TIAM1: variants seen among roughly 807,000 people sequenced by gnomAD.
The protein encoded by TIAM1 is TIAM Rac1 associated GEF 1, also known as rho guanine nucleotide exchange factor TIAM1.
A neutral mutation model predicts 163.5 loss-of-function variants in TIAM1; 65 were observed. The observed-to-expected ratio is 0.40, with a 90% CI of 0.33 to 0.49. The LOEUF is 0.49. Among genes scored for constraint, TIAM1 ranks in the 20% least tolerant of loss-of-function variants. The pLI, the probability that TIAM1 is intolerant of heterozygous loss-of-function variation, is 0.77. For synonymous variants in TIAM1, 833 were observed against 810.1 expected, an observed-to-expected ratio of 1.03 and a Z score of -0.48; for missense variants, 1,789 against 2,044.7, an observed-to-expected ratio of 0.87 and a Z score of 2.41.
chr21:31,381,248 G>A (rs1014716452), intron 2 of TIAM1, among the ~76,000 whole-genome samples: 2 of 152,188 alleles, frequency 1.3e-5, no homozygotes, highest in African/African-American at 2.4e-5. Flanking sequence ...GTATTTGGAG[G>A]TGGGGCCTTT....
intron 8 of TIAM1, 44 bp downstream of exon 8, chr21:31,223,362 C>A: frequency 1.3e-6 from 2 of 1,557,704 alleles, no homozygotes; most frequent in Non-Finnish European, 1.7e-6. Flanking sequence ...CAGGATTAAG[C>A]GTCAAGCTTA....
intron 3 of TIAM1, among the ~76,000 whole-genome samples, chr21:31,269,110 A>G (rs898443182): frequency 6.6e-6 from 1 of 152,218 alleles, no homozygotes; most frequent in Non-Finnish European, 1.5e-5. Flanking sequence ...ATAAATTGAC[A>G]CATATATTTT....
At chr21:31,463,378 G>C (rs547275122) in intron 2 of TIAM1, among the ~76,000 whole-genome samples, 38 of 152,214 alleles carry the variant, frequency 2.5e-4, no homozygotes, top group Non-Finnish European at 4.1e-4. Context: ...AACCCTCAAA[G>C]GGTTCCAGAA....
intron 2 of TIAM1, among the ~76,000 whole-genome samples, chr21:31,380,089 C>A (rs1422861770): frequency 6.6e-6 from 1 of 152,014 alleles, no homozygotes; most frequent in Admixed American, 6.6e-5. Context: ...ATGGTGAAAC[C>A]CTGTCTCTAC....
intron 1 of TIAM1, among the ~76,000 whole-genome samples, chr21:31,556,420 ATGTT>A (rs35751298): frequency 1.3e-5 from 2 of 151,952 alleles, no homozygotes; most frequent in East Asian, 1.9e-4. Flanking sequence ...AGTCGAGTTT[ATGTT>A]TGTTTGTTTG....
chr21:31,182,275 GC>G, intron 15 of TIAM1, 145 bp downstream of exon 15: 9 of 594,122 alleles, frequency 1.5e-5, no homozygotes, highest in Non-Finnish European at 2.4e-5. Flanking sequence ...GAAATGCAGG[GC>G]CAGTCATCAG....
At chr21:31,176,090 G>A (rs547647648) in intron 15 of TIAM1, among the ~76,000 whole-genome samples, 2 of 152,272 alleles carry the variant, frequency 1.3e-5, no homozygotes, top group South Asian at 2.1e-4. Flanking sequence ...TGTTTGATGG[G>A]CACAACTTGG....
At chr21:31,470,340 T>TAA (rs2045696870) in intron 1 of TIAM1, among the ~76,000 whole-genome samples, 1 of 149,724 alleles carries the variant, frequency 6.7e-6, no homozygotes, top group Non-Finnish European at 1.5e-5. Flanking sequence ...TTTACTTATT[T>TAA]ATATTTCCTT....
intron 2 of TIAM1, among the ~76,000 whole-genome samples, chr21:31,450,802 A>G (rs1022448077): frequency 2.6e-5 from 4 of 152,144 alleles, no homozygotes; most frequent in Non-Finnish European, 4.4e-5. Context: ...TTTTAAAACC[A>G]TCAGATCTCA....
intron 2 of TIAM1, among the ~76,000 whole-genome samples, chr21:31,427,389 A>C (rs1222705729): frequency 6.6e-6 from 1 of 152,094 alleles, no homozygotes; most frequent in African/African-American, 2.4e-5. Context: ...CGGGAGGCTG[A>C]GGCAGGAGAA....
chr21:31,200,829 G>A (rs1487804576), intron 12 of TIAM1, among the ~76,000 whole-genome samples: 2 of 152,122 alleles, frequency 1.3e-5, no homozygotes, highest in African/African-American at 4.8e-5. Context: ...TAAGAACCTT[G>A]GTTGAAACAG....
chr21:31,492,747 AATTG>A (rs1207823725), intron 1 of TIAM1, among the ~76,000 whole-genome samples: 2 of 148,960 alleles, frequency 1.3e-5, no homozygotes, highest in East Asian at 2.1e-4. Context: ...AAACTTTCTA[AATTG>A]ATTGAGACCT....
chr21:31,423,162 G>A (rs1480401148), intron 2 of TIAM1, among the ~76,000 whole-genome samples: 1 of 127,188 alleles, frequency 7.9e-6, no homozygotes, highest in African/African-American at 3.0e-5. Context: ...GCAGTGGCAT[G>A]ATCTCCGCTC....
chr21:31,276,814 G>C lies in TIAM1; in HGVS notation c.-94C>G, dbSNP rs976855350. Reference sequence around the variant, plus strand: ...GATATTGAGGTTGGAAATGATGTCCGGATGAACAGCCACAGGGCTGGGGAC... The same window carrying C: ...GATATTGAGGTTGGAAATGATGTCCCGATGAACAGCCACAGGGCTGGGGAC... On this transcript the variant is annotated 5_prime_UTR_variant, in exon 3 of 28. Coordinates refer to ENST00000541036, the MANE Select transcript of TIAM1 (RefSeq NM_001353694.2). The C allele has an allele frequency of 2.0e-5, 3 of 152,210 alleles. No individual in the cohort carries two copies. Among genetic ancestry groups the C allele is most frequent in the African/African-American group, 7.2e-5 (3 of 41,466 alleles). The allele number at this position is 152,210 out of a possible 1,614,324, so 9.4% of individuals were successfully genotyped here.
At chr21:31,420,809 G>C (rs1305237753) in intron 2 of TIAM1, among the ~76,000 whole-genome samples, 4 of 152,110 alleles carry the variant, frequency 2.6e-5, no homozygotes, top group Non-Finnish European at 5.9e-5. Flanking sequence ...CTTGGAAATA[G>C]GGTCTTTGCA....
At chr21:31,211,922 C>T (rs182330937) in intron 10 of TIAM1, among the ~76,000 whole-genome samples, 2 of 152,314 alleles carry the variant, frequency 1.3e-5, no homozygotes, top group East Asian at 3.9e-4. Context: ...GAAAAACTTT[C>T]GCAGTTTCCA....
intron 2 of TIAM1, among the ~76,000 whole-genome samples, chr21:31,353,446 A>G (rs1293796588): frequency 6.6e-6 from 1 of 152,310 alleles, no homozygotes; most frequent in East Asian, 1.9e-4. Context: ...TAAAATGGGA[A>G]TAAGAGCATT....
chr21:31,235,390 A>T (rs1020245625), intron 6 of TIAM1, among the ~76,000 whole-genome samples: 1 of 152,214 alleles, frequency 6.6e-6, no homozygotes, highest in Non-Finnish European at 1.5e-5. Flanking sequence ...ATGTAATAAC[A>T]CTGATTAGTG....
At chr21:31,231,539 G>A (rs925049976) in intron 6 of TIAM1, among the ~76,000 whole-genome samples, 4 of 152,102 alleles carry the variant, frequency 2.6e-5, no homozygotes, top group Non-Finnish European at 4.4e-5. Context: ...TGTCTTCCAC[G>A]TAAGAAGGAA....
Sources: allele counts gnomAD v4.1 joint callset (sites outside exome capture counted in the v4.1 genomes callset), GRCh38; gene constraint gnomAD v4.1.1; transcripts MANE v1.5; gene names NCBI Gene and HGNC (gene_info 2026-07-23, HGNC 2026-07-21).